SNX2: variants seen among roughly 807,000 people sequenced by gnomAD.
SNX2 encodes sorting nexin 2, also known as sorting nexin-2.
Under a neutral mutation model 69.9 loss-of-function variants are expected in SNX2, and 25 were observed. The observed-to-expected ratio is 0.36, with a 90% CI of 0.26 to 0.50. SNX2 has a LOEUF of 0.50. Ranked by LOEUF, SNX2 falls within the 20% of genes least tolerant of loss-of-function variation. The probability of loss-of-function intolerance (pLI) is 0.97; values close to 1 mark genes in which losing one functional copy is unlikely to be tolerated. For synonymous variants in SNX2, 229 were observed against 200.4 expected (o/e 1.14, Z -1.20); for missense variants, 551 against 613.3 (o/e 0.90, Z 1.07).
At chr5:122,779,129 AC>A (rs1287396194) in intron 1 of SNX2, among the ~76,000 whole-genome samples, 10 of 152,206 alleles carry the variant, frequency 6.6e-5, no homozygotes, top group Admixed American at 5.9e-4. Flanking sequence ...TATATTAACT[AC>A]CTGGTTCTTT....
intron 1 of SNX2, among the ~76,000 whole-genome samples, chr5:122,790,706 G>A (rs1387151729): frequency 6.6e-6 from 1 of 152,150 alleles, no homozygotes; most frequent in Non-Finnish European, 1.5e-5. Context: ...TGAGAGAAAG[G>A]GTAGAAGATA....
At chr5:122,818,730 A>C in intron 10 of SNX2, 88 bp from the exon 11 acceptor site, 2 of 1,075,146 alleles carry the variant, frequency 1.9e-6, no homozygotes, top group South Asian at 1.6e-5. Flanking sequence ...TGCATAAGTA[A>C]AATTTAGAGA....
chr5:122,803,354 A>T (rs1265911773), intron 5 of SNX2, 118 bp from the exon 6 acceptor site: 2 of 895,782 alleles, frequency 2.2e-6, no homozygotes, highest in East Asian at 2.7e-5. Context: ...CATTAGTTAG[A>T]TACTCTGCAT....
intron 1 of SNX2, among the ~76,000 whole-genome samples, chr5:122,792,308 T>C (rs1370668674): frequency 6.6e-6 from 1 of 152,224 alleles, no homozygotes; most frequent in African/African-American, 2.4e-5. Flanking sequence ...AAATGCTTAG[T>C]AACTGTTGGG....
At chr5:122,829,324 C>A (rs1003611799) in intron 14 of SNX2, among the ~76,000 whole-genome samples, 3 of 151,938 alleles carry the variant, frequency 2.0e-5, no homozygotes, top group African/African-American at 7.3e-5. Flanking sequence ...TGTACCTCAG[C>A]CTCCCCAGTA....
chr5:122,799,896 C>T lies in SNX2; in HGVS notation c.390+41C>T, dbSNP rs1245290978. 5.5e-6 allele frequency: 8 copies of T among 1,462,684 alleles called. No homozygotes were observed. The Admixed American group carries it at 5.5e-5, about 10-fold the overall frequency. 90.6% of individuals were successfully genotyped at this position (1,462,684 alleles called of 1,614,324 possible). A position where few individuals can be genotyped will look rare whatever the true frequency, so the allele number is the denominator to read the frequency against. On this transcript the variant is annotated intron_variant, in intron 3 of 14. Coordinates refer to ENST00000379516, the MANE Select transcript of SNX2 (RefSeq NM_003100.4). ...TTCTAAATTAATATGTAAATATATA[C>T]CTTTTTTCCCCACCCAACATCACTC... is the stretch of plus-strand genomic sequence containing the variant.
intron 11 of SNX2, among the ~76,000 whole-genome samples, chr5:122,823,043 C>T (rs1038860353): frequency 6.6e-6 from 1 of 151,962 alleles, no homozygotes; most frequent in Admixed American, 6.6e-5. Context: ...TCCTGATGGG[C>T]CAAAAAAACT....
intron 1 of SNX2, among the ~76,000 whole-genome samples, chr5:122,783,395 A>G (rs965539145): frequency 1.3e-5 from 2 of 152,182 alleles, no homozygotes; most frequent in African/African-American, 4.8e-5. Context: ...ACCCATGGTC[A>G]CAAAGATTTT....
At chr5:122,817,579 G>A (rs115186054) in intron 10 of SNX2, among the ~76,000 whole-genome samples, 10 of 151,766 alleles carry the variant, frequency 6.6e-5, no homozygotes, top group Admixed American at 2.0e-4. Context: ...GAAAAATAAC[G>A]AGCTTAGAAA....
chr5:122,803,764 G>A, intron 6 of SNX2, 151 bp downstream of exon 6: 1 of 561,762 alleles, frequency 1.8e-6, no homozygotes, highest in Non-Finnish European at 3.0e-6. Context: ...TACTAATCAT[G>A]CATGGATTGA....
intron 9 of SNX2, 24 bp downstream of exon 9, chr5:122,817,052 A>C (rs773471632): frequency 6.0e-6 from 9 of 1,509,898 alleles, no homozygotes; most frequent in Non-Finnish European, 7.4e-6. Context: ...TTTCGGCTTG[A>C]ATAATGAGAT....
intron 11 of SNX2, among the ~76,000 whole-genome samples, chr5:122,821,972 C>A (rs958032030): frequency 6.6e-6 from 1 of 152,186 alleles, no homozygotes; most frequent in African/African-American, 2.4e-5. Context: ...GTACCCTAAC[C>A]TACCTAAACC....
At chr5:122,784,553 T>C (rs1208877768) in intron 1 of SNX2, among the ~76,000 whole-genome samples, 3 of 152,056 alleles carry the variant, frequency 2.0e-5, no homozygotes, top group African/African-American at 7.2e-5. Context: ...ATTTTCAAAC[T>C]GATTCAAAAA....
chr5:122,782,041 TCTC>T (rs1752989772), intron 1 of SNX2, among the ~76,000 whole-genome samples: 1 of 152,144 alleles, frequency 6.6e-6, no homozygotes, highest in Non-Finnish European at 1.5e-5. Context: ...ATCTGGATCT[TCTC>T]CTCTGCAGAT....
At chr5:122,824,245 A>AT (rs959797037) in intron 11 of SNX2, among the ~76,000 whole-genome samples, 13 of 147,574 alleles carry the variant, frequency 8.8e-5, no homozygotes, top group South Asian at 2.1e-4. Context: ...CACTGATGAC[A>AT]TTTTTTTTTT....
Position 122,817,002 on chromosome 5 carries a change from ACAAT to A in SNX2, c.890_893del (p.Ile297ArgfsTer2). 6.2e-7 allele frequency: 1 copy of A among 1,609,644 alleles called. No homozygotes were observed. The highest frequency in any genetic ancestry group is 2.2e-5 in the East Asian group (1 of 44,592). ...GGCTGCCGACGCTGTCAACAAAATG[ACAAT>A]CAAGATGAATGAATCGGATGCAGTA... On this transcript the variant is annotated frameshift_variant, in exon 9 of 15. Transcript: ENST00000379516. LOFTEE classifies it high-confidence loss of function.
chr5:122,784,814 C>T (rs536628487), intron 1 of SNX2, among the ~76,000 whole-genome samples: 43 of 152,266 alleles, frequency 2.8e-4, no homozygotes, highest in African/African-American at 9.6e-4. Context: ...ATTAGTCTTA[C>T]GTCTTCCCTA....
At position 122,801,879 on chromosome 5, in the gene SNX2, A is replaced by G; in HGVS notation, c.401A>G (p.Glu134Gly). The change falls in exon 4 of 15, where the codon GAA becomes GGA. Residue 134 changes from glutamate (E) to glycine (G), a missense_variant. Transcript: ENST00000379516. ...FDRSREEIEE[E>G]ANGDIFDIEI... ...ATTTATACTTTCTAGATTGAAGAAG[A>G]AGCAAATGGAGACATTTTTGACATA... 2 of 1,591,648 alleles carry G rather than the reference A, an allele frequency of 1.3e-6. No individual in the cohort carries two copies. Among genetic ancestry groups the G allele is most frequent in the Non-Finnish European group, 1.7e-6 (2 of 1,163,818 alleles).
At chr5:122,784,162 T>C (rs1189199455) in intron 1 of SNX2, among the ~76,000 whole-genome samples, 6 of 151,816 alleles carry the variant, frequency 4.0e-5, no homozygotes, top group South Asian at 2.1e-4. Flanking sequence ...GTGTAGATAA[T>C]CATATTGTTT....
Sources: allele counts gnomAD v4.1 joint callset (sites outside exome capture counted in the v4.1 genomes callset), GRCh38; gene constraint gnomAD v4.1.1; transcripts MANE v1.5; gene names NCBI Gene and HGNC (gene_info 2026-07-23, HGNC 2026-07-21).